Variants in CPNE4 observed in about 807,000 individuals in gnomAD.
The protein encoded by CPNE4 is copine-4.
CPNE4 carries 25 observed loss-of-function variants against 67.9 expected under a neutral mutation model. The ratio of observed to expected loss-of-function variants is 0.37; its 90% CI spans 0.27 to 0.51. The LOEUF is 0.51. Among genes scored for constraint, CPNE4 ranks in the 20% least tolerant of loss-of-function variants. The probability of loss-of-function intolerance (pLI) is 0.93; values close to 1 mark genes in which losing one functional copy is unlikely to be tolerated. For missense variants in CPNE4, 464 were observed against 690.8 expected (o/e 0.67, Z 3.68); for synonymous variants, 242 against 244.9 (o/e 0.99, Z 0.11).
chr3:131,698,919 A>G (rs1056481317), intron 4 of CPNE4, among the ~76,000 whole-genome samples: 4 of 151,664 alleles, frequency 2.6e-5, no homozygotes, highest in African/African-American at 7.3e-5. Context: ...CAAAAAAAAA[A>G]AAAAAAAAAA....
chr3:131,880,125 T>C (rs1417763129), intron 2 of CPNE4, among the ~76,000 whole-genome samples: 3 of 124,342 alleles, frequency 2.4e-5, no homozygotes, highest in Non-Finnish European at 4.8e-5. Flanking sequence ...TATATATATA[T>C]ATACATATTT....
chr3:131,786,262 G>A (rs2107867039), intron 2 of CPNE4, among the ~76,000 whole-genome samples: 1 of 151,860 alleles, frequency 6.6e-6, no homozygotes, highest in Middle Eastern at 3.4e-3. Context: ...ATACATTTAT[G>A]TTGTCTAGTA....
intron 2 of CPNE4, among the ~76,000 whole-genome samples, chr3:131,833,534 A>G (rs988362510): frequency 6.6e-6 from 1 of 152,108 alleles, no homozygotes; most frequent in Admixed American, 6.5e-5. Context: ...CCTCTACTAA[A>G]AAATACAAAA....
intron 7 of CPNE4, among the ~76,000 whole-genome samples, chr3:131,641,212 C>T (rs1214633648): frequency 6.6e-6 from 1 of 151,958 alleles, no homozygotes; most frequent in African/African-American, 2.4e-5. Context: ...AAAGAAATAA[C>T]CAGCAGAGTT....
chr3:131,696,165 T>G (rs2081152340), intron 5 of CPNE4, among the ~76,000 whole-genome samples: 1 of 152,198 alleles, frequency 6.6e-6, no homozygotes, highest in Admixed American at 6.5e-5. Flanking sequence ...TGATACCACA[T>G]AAAAAGCTCT....
At chr3:132,003,098 T>G (rs959577726) in intron 1 of CPNE4, among the ~76,000 whole-genome samples, 1 of 152,138 alleles carries the variant, frequency 6.6e-6, no homozygotes, top group African/African-American at 2.4e-5. Flanking sequence ...GAGTTCTGAA[T>G]GAAACACATT....
chr3:131,805,643 G>T (rs547108696), intron 2 of CPNE4, among the ~76,000 whole-genome samples: 3 of 152,162 alleles, frequency 2.0e-5, no homozygotes, highest in African/African-American at 7.2e-5. Flanking sequence ...CCGGCTGTCA[G>T]CCAGAACACC....
intron 7 of CPNE4, among the ~76,000 whole-genome samples, chr3:131,591,931 G>A (rs1401791472): frequency 6.6e-6 from 1 of 152,190 alleles, no homozygotes; most frequent in African/African-American, 2.4e-5. Context: ...ATCTGTGAGA[G>A]CATAGCACCT....
chr3:131,665,981 C>G (rs142396231), intron 7 of CPNE4, among the ~76,000 whole-genome samples: 1 of 151,890 alleles, frequency 6.6e-6, no homozygotes. Flanking sequence ...AAAATATTAT[C>G]AAGTTTTGGG....
At chr3:131,932,426 T>C (rs2071090780) in intron 1 of CPNE4, among the ~76,000 whole-genome samples, 1 of 152,102 alleles carries the variant, frequency 6.6e-6, no homozygotes, top group Middle Eastern at 3.2e-3. Context: ...TACTCATGAT[T>C]AAGTGGAACA....
chr3:131,550,071 C>T lies in CPNE4; in HGVS notation c.1178G>A (p.Gly393Glu). The change falls in exon 14 of 16, where the codon GGA becomes GAA. Residue 393 changes from glycine (G) to glutamate (E), a missense_variant. By Grantham distance (98) the Gly-to-Glu change is moderately conservative (BLOSUM62 -2). This residue lies in a region of CPNE4 where 201 missense variants were observed against 357.7 expected (regional missense o/e 0.56). Transcript: ENST00000429747. ...ACAGCTCTGATAGGCTTCCACAACT[C>T]CTTGAATTCCTGAGGTGAAATTGGC... ...EDNPECAGIQ[G>E]VVEAYQSCLP... 1 of 1,612,888 alleles carries T rather than the reference C, an allele frequency of 6.2e-7. No homozygotes were observed. Among genetic ancestry groups the T allele is most frequent in the Non-Finnish European group, 8.5e-7 (1 of 1,179,244 alleles).
At position 131,953,645 on chromosome 3, in the gene CPNE4, C is replaced by T. The variant is rs184062901; in HGVS notation, c.-1-48201G>A. On this transcript the variant is annotated intron_variant, in intron 1 of 15. Transcript: ENST00000429747. ...AGTTCATTATGTTAAGTGAAATAAG[C>T]CAAGCACAGAATGACAAATATCACA... 9.2e-3 allele frequency among the ~76,000 whole-genome samples: 1,398 copies of T among 152,156 alleles called. 20 individuals are homozygous for T. The highest frequency in any genetic ancestry group is 0.016 in the Non-Finnish European group (1,084 of 67,996).
At chr3:131,676,695 C>T (rs2080579446) in intron 6 of CPNE4, among the ~76,000 whole-genome samples, 1 of 152,090 alleles carries the variant, frequency 6.6e-6, no homozygotes, top group Non-Finnish European at 1.5e-5. Context: ...CATCCATGTC[C>T]TTGCAAAAAC....
At chr3:131,888,043 C>T (rs1480771110) in intron 2 of CPNE4, among the ~76,000 whole-genome samples, 1 of 152,148 alleles carries the variant, frequency 6.6e-6, no homozygotes, top group Non-Finnish European at 1.5e-5. Flanking sequence ...TTATCCCCAG[C>T]CTTCTGGTCC....
At chr3:131,859,290 G>C (rs2086580066) in intron 2 of CPNE4, among the ~76,000 whole-genome samples, 1 of 152,048 alleles carries the variant, frequency 6.6e-6, no homozygotes, top group Non-Finnish European at 1.5e-5. Flanking sequence ...AGCTCCCCAA[G>C]ATAGCCAGCC....
chr3:131,902,105 C>T (rs2088576706), intron 2 of CPNE4, among the ~76,000 whole-genome samples: 1 of 151,884 alleles, frequency 6.6e-6, no homozygotes, highest in African/African-American at 2.4e-5. Flanking sequence ...TATATCCTTA[C>T]TGTATATTGT....
intron 1 of CPNE4, among the ~76,000 whole-genome samples, chr3:132,018,780 T>C (rs1438828686): frequency 6.6e-6 from 1 of 152,264 alleles, no homozygotes; most frequent in Non-Finnish European, 1.5e-5. Context: ...GAGGAGATTA[T>C]GGCTTTAATA....
At chr3:131,822,473 A>T (rs1355488073) in intron 2 of CPNE4, among the ~76,000 whole-genome samples, 1 of 152,224 alleles carries the variant, frequency 6.6e-6, no homozygotes. Context: ...TTTCATATCC[A>T]TATATAATTC....
At chr3:131,581,803 TAGA>T (rs1471486254) in intron 8 of CPNE4, 138 bp from the exon 9 acceptor site, 1 of 652,232 alleles carries the variant, frequency 1.5e-6, no homozygotes, top group Non-Finnish European at 2.8e-6. Context: ...CTCTTGCATC[TAGA>T]GGAGCAATAG....
Sources: gnomAD v4.1 joint callset for allele counts (sites outside exome capture counted in the v4.1 genomes callset) on GRCh38, gnomAD v4.1.1 for gene constraint, gnomAD v4.1.1 regional missense constraint, MANE v1.5 for transcripts, NCBI Gene and HGNC (gene_info 2026-07-23, HGNC 2026-07-21) for gene names.